The following KIAA0825 variants were observed in gnomAD, a reference collection of about 807,000 sequenced individuals.
KIAA0825 encodes KIAA0825.
A neutral mutation model predicts 147.6 loss-of-function variants in KIAA0825; 119 were observed. The observed-to-expected ratio is 0.81, with a 90% confidence interval of 0.69 to 0.94. The LOEUF is 0.94. KIAA0825 is among the 40% of genes least tolerant of loss of function. The probability of loss-of-function intolerance (pLI) is 0.00; values close to 1 mark genes in which losing one functional copy is unlikely to be tolerated. For synonymous variants in KIAA0825, 470 were observed against 518.1 expected (o/e 0.91, Z 1.26); for missense variants, 1,381 against 1,472.7 (o/e 0.94, Z 1.02).
intron 20 of KIAA0825, among the ~76,000 whole-genome samples, chr5:94,247,110 G>A (rs959060430): frequency 1.3e-5 from 2 of 152,074 alleles, no homozygotes; most frequent in African/African-American, 2.4e-5. Flanking sequence ...AAGAAATATG[G>A]GGGAAGCTCC....
At position 94,601,051 on chromosome 5, in the gene KIAA0825, A is replaced by T. The variant is rs951595444; in HGVS notation, c.-153+17449T>A. Reference sequence around the variant, plus strand: ...AAGCCCAACCTGATGCGGGGGCAGAAAGAGTACCGCAGCACAGCATGGCTG... The same window carrying T: ...AAGCCCAACCTGATGCGGGGGCAGATAGAGTACCGCAGCACAGCATGGCTG... On this transcript the variant is annotated intron_variant, in intron 1 of 20. Transcript: ENST00000682413. 2.2e-4 allele frequency among the ~76,000 whole-genome samples: 33 copies of T among 152,176 alleles called. 1 individual carries two copies. Among genetic ancestry groups the T allele is most frequent in the Admixed American group, 2.1e-3 (32 of 15,278 alleles).
At chr5:94,270,950 C>T (rs1379714190) in intron 20 of KIAA0825, among the ~76,000 whole-genome samples, 3 of 152,082 alleles carry the variant, frequency 2.0e-5, no homozygotes, top group Non-Finnish European at 4.4e-5. Flanking sequence ...CCCCCAAACT[C>T]TGCATTAATG....
intron 2 of KIAA0825, among the ~76,000 whole-genome samples, chr5:94,575,479 G>A (rs984197388): frequency 6.6e-6 from 1 of 152,182 alleles, no homozygotes; most frequent in Non-Finnish European, 1.5e-5. Context: ...TACATGTTCA[G>A]GCACAAACAA....
chr5:94,353,151 A>C (rs901465274), intron 20 of KIAA0825, among the ~76,000 whole-genome samples: 3 of 152,242 alleles, frequency 2.0e-5, no homozygotes, highest in African/African-American at 7.2e-5. Context: ...CAATAAAGCC[A>C]GGAAACAACA....
chr5:94,416,231 A>G (rs1179182449), intron 15 of KIAA0825: 2 of 152,214 alleles, frequency 1.3e-5, no homozygotes, highest in Non-Finnish European at 2.9e-5. Context: ...AAAGTTATCT[A>G]TTGCTAGTTT....
chr5:94,161,194 C>T (rs537201668), intron 20 of KIAA0825, among the ~76,000 whole-genome samples: 36 of 152,324 alleles, frequency 2.4e-4, no homozygotes, highest in Non-Finnish European at 3.7e-4. Context: ...CAAAGACTCA[C>T]GCTACTGCTA....
intron 1 of KIAA0825, among the ~76,000 whole-genome samples, chr5:94,586,160 G>C (rs1783243955): frequency 1.3e-5 from 2 of 152,106 alleles, no homozygotes; most frequent in Non-Finnish European, 2.9e-5. Context: ...AAATTCAACA[G>C]CTAGCAGAAG....
At chr5:94,560,790 T>C (rs1282269166) in intron 2 of KIAA0825, among the ~76,000 whole-genome samples, 1 of 152,228 alleles carries the variant, frequency 6.6e-6, no homozygotes, top group Non-Finnish European at 1.5e-5. Flanking sequence ...AAACCTCCCA[T>C]CTGACTTCCA....
intron 20 of KIAA0825, among the ~76,000 whole-genome samples, chr5:94,190,663 T>C (rs1770600167): frequency 6.6e-6 from 1 of 152,082 alleles, no homozygotes; most frequent in Non-Finnish European, 1.5e-5. Flanking sequence ...GAGTTTTTAT[T>C]ATGGAATTGT....
At chr5:94,408,136 T>G (rs2150658244) in intron 15 of KIAA0825, among the ~76,000 whole-genome samples, 1 of 152,198 alleles carries the variant, frequency 6.6e-6, no homozygotes, top group East Asian at 1.9e-4. Context: ...AAGGCAATGG[T>G]TTGCCAACTT....
intron 1 of KIAA0825, among the ~76,000 whole-genome samples, chr5:94,609,604 C>A (rs1290263505): frequency 6.6e-6 from 1 of 152,002 alleles, no homozygotes; most frequent in East Asian, 1.9e-4. Context: ...AAGATAATTA[C>A]CAAGTAAAGT....
intron 5 of KIAA0825, among the ~76,000 whole-genome samples, chr5:94,510,578 A>C (rs749728099): frequency 2.4e-4 from 36 of 152,200 alleles, no homozygotes; most frequent in Non-Finnish European, 4.6e-4. Flanking sequence ...GCAATTTTAG[A>C]TCTCCATTTA....
rs886736990 is a variant in KIAA0825 at position 94,471,537 on chromosome 5, G to A, written c.1650C>T (p.Tyr550=). 6.4e-7 allele frequency: 1 copy of A among 1,551,908 alleles called. No homozygotes were observed. Among genetic ancestry groups the A allele is most frequent in the African/African-American group, 1.4e-5 (1 of 73,024 alleles). ...GGAAGACATACACCGCTGTGGAGAG[G>A]TATGTGTGCAAGTTTTTCAGGGGTG... The part of the protein sequence containing the change: ...SKAPLKNLHT[Y]LSTAVYVFQH... The change falls in exon 9 of 21, where the codon TAC becomes TAT. Residue 550 remains tyrosine (Y), a synonymous_variant. Transcript: ENST00000682413.
chr5:94,428,141 TG>T (rs1755142894), intron 14 of KIAA0825, among the ~76,000 whole-genome samples: 8 of 126,530 alleles, frequency 6.3e-5, no homozygotes, highest in Admixed American at 3.4e-4. Context: ...GATAAGGTCT[TG>T]TTGTGTGTGT....
chr5:94,361,989 C>G (rs1745126351), intron 20 of KIAA0825, among the ~76,000 whole-genome samples: 1 of 152,188 alleles, frequency 6.6e-6, no homozygotes, highest in Non-Finnish European at 1.5e-5. Context: ...CAAGACAAAT[C>G]AGGTGCACCT....
At chr5:94,545,161 G>C (rs1774103538) in intron 2 of KIAA0825, among the ~76,000 whole-genome samples, 1 of 152,054 alleles carries the variant, frequency 6.6e-6, no homozygotes, top group South Asian at 2.1e-4. Flanking sequence ...GGGAACATTT[G>C]AACCAGCCAT....
chr5:94,334,780 G>A (rs189686455), intron 20 of KIAA0825, among the ~76,000 whole-genome samples: 51 of 152,222 alleles, frequency 3.4e-4, no homozygotes, highest in Middle Eastern at 3.4e-3. Flanking sequence ...CACCACACCC[G>A]GCCACAAACT....
intron 20 of KIAA0825, among the ~76,000 whole-genome samples, chr5:94,236,117 A>G (rs1316459745): frequency 6.6e-6 from 1 of 152,222 alleles, no homozygotes; most frequent in African/African-American, 2.4e-5. Flanking sequence ...TACATTTTGT[A>G]AGACTACAGC....
At chr5:94,607,603 C>T (rs560472598) in intron 1 of KIAA0825, among the ~76,000 whole-genome samples, 7 of 152,004 alleles carry the variant, frequency 4.6e-5, no homozygotes, top group Admixed American at 2.6e-4. Flanking sequence ...AGCAAGTGTC[C>T]GTCTCCAAAA....
Sources: allele counts gnomAD v4.1 joint callset (sites outside exome capture counted in the v4.1 genomes callset), GRCh38; gene constraint gnomAD v4.1.1; transcripts MANE v1.5; gene names NCBI Gene and HGNC (gene_info 2026-07-23, HGNC 2026-07-21).